Variants in MAGI1 observed in about 807,000 individuals in gnomAD.
MAGI1 encodes the protein membrane associated guanylate kinase, WW and PDZ domain containing 1, also known as membrane-associated guanylate kinase, WW and PDZ domain-containing protein 1.
In MAGI1, 58 loss-of-function variants were observed where a neutral mutation model predicts 139.9. That is an observed-to-expected ratio of 0.41 (90% CI 0.34 to 0.52). The LOEUF (loss-of-function observed/expected upper bound fraction) is 0.52, where lower values mean the gene tolerates loss of function less well. Among genes scored for constraint, MAGI1 ranks in the 20% least tolerant of loss-of-function variants. The pLI is 0.12. For missense variants in MAGI1, 1,874 were observed against 1,901.6 expected (o/e 0.99, Z 0.27); for synonymous variants, 812 against 737.9 (o/e 1.10, Z -1.63).
chr3:65,944,449 T>C (rs545448745), intron 1 of MAGI1, among the ~76,000 whole-genome samples: 2 of 151,984 alleles, frequency 1.3e-5, no homozygotes, highest in African/African-American at 4.8e-5. Context: ...GCCCAGGAAG[T>C]TGAAGATGCA....
At chr3:65,370,172 T>C (rs1357770509) in intron 18 of MAGI1, among the ~76,000 whole-genome samples, 1 of 151,948 alleles carries the variant, frequency 6.6e-6, no homozygotes. Context: ...CCACTTAAAA[T>C]AGGAGCATCA....
chr3:65,944,630 A>T (rs1364439886), intron 1 of MAGI1, among the ~76,000 whole-genome samples: 1 of 152,176 alleles, frequency 6.6e-6, no homozygotes, highest in Non-Finnish European at 1.5e-5. Flanking sequence ...AGAAGGAAGG[A>T]AAAGGAAGGG....
chr3:65,903,232 G>C (rs891744472), intron 1 of MAGI1, among the ~76,000 whole-genome samples: 2 of 152,112 alleles, frequency 1.3e-5, no homozygotes, highest in African/African-American at 4.8e-5. Context: ...GGGCTCAAAC[G>C]ATCCTCCCAC....
Position 65,760,816 on chromosome 3 carries a change from T to G in MAGI1, c.314-138728A>C, listed in dbSNP as rs538559557. Among the ~76,000 whole-genome samples, 16 of 152,178 alleles carry G rather than the reference T, an allele frequency of 1.1e-4. No homozygotes were observed. In the South Asian group the frequency reaches 1.9e-3, roughly 18 times the overall value. ...AGTGAAAAACAGGGTTTAAGGAAGT[T>G]CTCATCAACATAAAATCTCAACAGA... On this transcript the variant is annotated intron_variant, in intron 1 of 22. Transcript: ENST00000402939.
At chr3:65,695,716 T>C (rs191592506) in intron 1 of MAGI1, among the ~76,000 whole-genome samples, 10 of 152,256 alleles carry the variant, frequency 6.6e-5, no homozygotes, top group Admixed American at 6.5e-4. Context: ...ATTTGAATTG[T>C]TGGAAAAGAA....
At chr3:65,534,231 C>T (rs1028747027) in intron 2 of MAGI1, among the ~76,000 whole-genome samples, 1 of 152,162 alleles carries the variant, frequency 6.6e-6, no homozygotes, top group African/African-American at 2.4e-5. Flanking sequence ...CCTGTAATCC[C>T]AGCACTTTAG....
intron 1 of MAGI1, among the ~76,000 whole-genome samples, chr3:65,691,311 A>AAAAAAAAAAG (rs1454212169): frequency 1.3e-5 from 2 of 150,922 alleles, no homozygotes; most frequent in African/African-American, 4.9e-5. Context: ...TCAAAAAAAA[A>AAAAAAAAAAG]AAAAGAAAAG....
intron 14 of MAGI1, among the ~76,000 whole-genome samples, chr3:65,386,712 T>C (rs1005160028): frequency 1.8e-4 from 27 of 152,216 alleles, no homozygotes; most frequent in Admixed American, 6.5e-4. Context: ...ATCACTTTTT[T>C]TGAGTGAGGC....
chr3:65,880,023 G>A (rs1426910466), intron 1 of MAGI1, among the ~76,000 whole-genome samples: 1 of 152,194 alleles, frequency 6.6e-6, no homozygotes, highest in Non-Finnish European at 1.5e-5. Flanking sequence ...CACTTTGGGA[G>A]GCCGAAGCAG....
chr3:65,924,694 G>A (rs905613605), intron 1 of MAGI1, among the ~76,000 whole-genome samples: 10 of 152,100 alleles, frequency 6.6e-5, no homozygotes, highest in Non-Finnish European at 2.9e-5. Flanking sequence ...GTCAGATTCG[G>A]TTAGGAAACC....
At chr3:65,400,031 T>C (rs972672223) in intron 13 of MAGI1, among the ~76,000 whole-genome samples, 4 of 152,128 alleles carry the variant, frequency 2.6e-5, no homozygotes, top group African/African-American at 7.2e-5. Flanking sequence ...AAAGGAGGGT[T>C]CGTGCTAACT....
intron 1 of MAGI1, among the ~76,000 whole-genome samples, chr3:65,738,900 C>G (rs1650719241): frequency 6.6e-6 from 1 of 152,100 alleles, no homozygotes; most frequent in Non-Finnish European, 1.5e-5. Flanking sequence ...GATTTAGCAC[C>G]CTCTTTAAGG....
intron 2 of MAGI1, among the ~76,000 whole-genome samples, chr3:65,600,468 G>A (rs1350789421): frequency 2.0e-5 from 3 of 152,202 alleles, no homozygotes; most frequent in Non-Finnish European, 2.9e-5. Context: ...GTTTTTCTCA[G>A]AGGTGTAGTA....
intron 12 of MAGI1, among the ~76,000 whole-genome samples, chr3:65,406,272 C>T (rs994126782): frequency 1.3e-5 from 2 of 151,544 alleles, no homozygotes; most frequent in Non-Finnish European, 2.9e-5. Context: ...AAGCAGAAGC[C>T]GAGCATTGCC....
At chr3:65,781,759 G>A (rs753485507) in intron 1 of MAGI1, among the ~76,000 whole-genome samples, 5 of 152,196 alleles carry the variant, frequency 3.3e-5, no homozygotes, top group African/African-American at 4.8e-5. Context: ...AGCTACCACG[G>A]AAGAGATTTG....
At chr3:65,628,414 G>A (rs112233872) in intron 1 of MAGI1, among the ~76,000 whole-genome samples, 30 of 151,974 alleles carry the variant, frequency 2.0e-4, no homozygotes, top group Admixed American at 1.2e-3. Flanking sequence ...AGAGAAAATC[G>A]GGTGTAAGTT....
intron 1 of MAGI1, among the ~76,000 whole-genome samples, chr3:65,944,168 T>A (rs2063449038): frequency 6.6e-6 from 1 of 152,160 alleles, no homozygotes; most frequent in African/African-American, 2.4e-5. Context: ...TGACCCTGGA[T>A]TATTTTTCCC....
At chr3:65,488,587 T>A (rs1224514116) in intron 3 of MAGI1, among the ~76,000 whole-genome samples, 3 of 152,274 alleles carry the variant, frequency 2.0e-5, no homozygotes, top group South Asian at 4.1e-4. Context: ...ATGATCCGCC[T>A]GCCTTGGCCT....
At chr3:65,782,915 A>T (rs894915267) in intron 1 of MAGI1, among the ~76,000 whole-genome samples, 1 of 151,936 alleles carries the variant, frequency 6.6e-6, no homozygotes, top group African/African-American at 2.4e-5. Flanking sequence ...CTTAAAAAAA[A>T]AAAAAGAGAA....
Sources: gnomAD v4.1 joint callset for allele counts (sites outside exome capture counted in the v4.1 genomes callset) on GRCh38, gnomAD v4.1.1 for gene constraint, MANE v1.5 for transcripts, NCBI Gene and HGNC (gene_info 2026-07-23, HGNC 2026-07-21) for gene names.